Variants in CAMKK1 observed in about 807,000 individuals in gnomAD.
CAMKK1 encodes calcium/calmodulin dependent protein kinase kinase 1, also known as calcium/calmodulin-dependent protein kinase kinase 1.
Under a neutral mutation model 63.5 loss-of-function variants are expected in CAMKK1, and 20 were observed. The observed-to-expected ratio is 0.32, with a 90% CI of 0.22 to 0.46. CAMKK1 has a LOEUF of 0.46. Ranked by LOEUF, CAMKK1 falls within the 20% of genes least tolerant of loss-of-function variation. The pLI, the probability that CAMKK1 is intolerant of heterozygous loss-of-function variation, is 1.00. For synonymous variants in CAMKK1, 253 were observed against 269.0 expected (o/e 0.94, Z 0.58); for missense variants, 588 against 658.1 (o/e 0.89, Z 1.17).
rs1218394119 is a variant in CAMKK1 at position 3,879,824 on chromosome 17, A to G, written c.796+522T>C. 6.5e-6 allele frequency: 1 copy of G among 154,330 alleles called. No homozygotes were observed. Among genetic ancestry groups the G allele is most frequent in the East Asian group, 1.9e-4 (1 of 5,276 alleles). The allele number at this position is 154,330 out of a possible 1,614,324, so 9.6% of individuals were successfully genotyped here. A position where few individuals can be genotyped will look rare whatever the true frequency, so the allele number is the denominator to read the frequency against. The stretch of plus-strand genomic sequence containing the variant: ...TCCTGTCCCTCCCACTAGGCCGTGA[A>G]CTCGGGTCTGGGTCTTTCACCCCTA... On this transcript the variant is annotated intron_variant, in intron 9 of 15. Coordinates refer to ENST00000348335, the MANE Select transcript of CAMKK1 (RefSeq NM_032294.3). This position sits in a 1 kb window ranked among gnomAD's most constrained non-coding sequence, Gnocchi z 4.5.
intron 1 of CAMKK1, among the ~76,000 whole-genome samples, chr17:3,888,700 G>A (rs901658037): frequency 2.6e-5 from 4 of 152,250 alleles, no homozygotes; most frequent in Middle Eastern, 3.2e-3. Flanking sequence ...GAAGGCGGCC[G>A]CGAGGGCTGA....
Position 3,871,603 on chromosome 17 carries a change from T to G in CAMKK1, c.1124+951A>C, listed in dbSNP as rs553766820. Among the ~76,000 whole-genome samples the G allele has an allele frequency of 1.7e-3, 254 of 149,642 alleles. 3 individuals are homozygous for G. Among genetic ancestry groups the G allele is most frequent in the South Asian group, 4.6e-3 (22 of 4,738 alleles). On this transcript the variant is annotated intron_variant, in intron 12 of 15. Transcript: ENST00000348335. ...GATCTCCTGACCTCGTGATCCGCCC[T>G]CCTTGGCCTCCCAAAGTGCTGGAAT... is the stretch of plus-strand genomic sequence containing the variant.
At chr17:3,865,845 G>T in intron 15 of CAMKK1, 63 bp downstream of exon 15, 1 of 1,603,032 alleles carries the variant, frequency 6.2e-7, no homozygotes. Context: ...GGGAGGATGG[G>T]CCTCAGACCT....
rs2055511617 is a variant in CAMKK1, at chr17:3,883,604, C to T, written c.463-124G>A. On this transcript the variant is annotated intron_variant, in intron 4 of 15. Transcript: ENST00000348335. The surrounding 1 kb of genome is among the most constrained non-coding windows in gnomAD (Gnocchi z 4.7). ...TCTGCTACTGGCCCTGAGGGTGTGG[C>T]CCAGGTAAGTGTTAAGCGGGGTTGG... 1.1e-6 allele frequency: 1 copy of T among 888,352 alleles called. No homozygotes were observed. 55.0% of individuals were successfully genotyped at this position (888,352 alleles called of 1,614,324 possible). A position where few individuals can be genotyped will look rare whatever the true frequency, so the allele number is the denominator to read the frequency against.
chr17:3,870,803 G>C (rs1161311426), intron 12 of CAMKK1, among the ~76,000 whole-genome samples: 1 of 152,060 alleles, frequency 6.6e-6, no homozygotes, highest in African/African-American at 2.4e-5. Flanking sequence ...AAATTCCTGG[G>C]CTGAGGGGAA....
chr17:3,876,757 G>GTTT (rs59503016), intron 9 of CAMKK1, among the ~76,000 whole-genome samples: 16 of 101,352 alleles, frequency 1.6e-4, no homozygotes, highest in Non-Finnish European at 2.1e-4. Flanking sequence ...TTTTTTTTTG[G>GTTT]TTTTTTTTTT....
rs778586310 is a variant in CAMKK1 at position 3,880,371 on chromosome 17, C to T, written c.771G>A (p.Arg257=). 6.2e-7 allele frequency: 1 copy of T among 1,613,994 alleles called. No homozygotes were observed. The highest frequency in any genetic ancestry group is 1.1e-5 in the South Asian group (1 of 91,062). The change falls in exon 9 of 16, where the codon CGG becomes CGA. Residue 257 remains arginine, a synonymous_variant. Coordinates refer to ENST00000348335, the MANE Select transcript of CAMKK1 (RefSeq NM_032294.3). ...FSEEQARLYL[R]DVILGLEYLH... is the part of the protein sequence containing the mutation. Reference sequence around the variant, plus strand: ...AGTACTCGAGGCCCAGGATGACGTCCCGCAGGTAGAGGCGAGCTTGCTCCT... The same window carrying T: ...AGTACTCGAGGCCCAGGATGACGTCTCGCAGGTAGAGGCGAGCTTGCTCCT...
At chr17:3,865,222 G>T in intron 15 of CAMKK1, 1 of 985,954 alleles carries the variant, frequency 1.0e-6, no homozygotes, top group Non-Finnish European at 1.2e-6. Flanking sequence ...AGGCGCACAG[G>T]CTTGGGGAGC....
At position 3,885,704 on chromosome 17, in the gene CAMKK1, G is replaced by T. The variant is rs537275634; in HGVS notation, c.-17C>A. 4.3e-5 allele frequency: 69 copies of T among 1,610,358 alleles called. No individual in the cohort carries two copies. The East Asian group carries it at 1.4e-3, about 33-fold the overall frequency. On this transcript the variant is annotated 5_prime_UTR_variant, in exon 2 of 16. Transcript: ENST00000348335. ...CCCCTCCATTGCTTCAGTCAAGGGG[G>T]TTCTTCTGCGTAGCCTTGTTGGGAA... is the stretch of plus-strand genomic sequence containing the variant.
chr17:3,883,788 G>C lies in CAMKK1; in HGVS notation c.462+96C>G. The C allele has an allele frequency of 8.0e-7, 1 of 1,245,444 alleles. No individual in the cohort carries two copies. The allele number at this position is 1,245,444 out of a possible 1,614,324, so 77.1% of individuals were successfully genotyped here. On this transcript the variant is annotated intron_variant, in intron 4 of 15. Coordinates refer to ENST00000348335, the MANE Select transcript of CAMKK1 (RefSeq NM_032294.3). The surrounding 1 kb of genome is among the most constrained non-coding windows in gnomAD (Gnocchi z 4.7). Reference sequence around the variant, plus strand: ...GGGACAGGGAGCTCACTCTCAGGCAGCCCTGTCCTCTATCTCCTAAGCACA... The same window carrying C: ...GGGACAGGGAGCTCACTCTCAGGCACCCCTGTCCTCTATCTCCTAAGCACA...
chr17:3,891,626 T>C (rs1011680102), intron 1 of CAMKK1, among the ~76,000 whole-genome samples: 7 of 152,146 alleles, frequency 4.6e-5, no homozygotes, highest in Non-Finnish European at 8.8e-5. Flanking sequence ...AGGCACCTGA[T>C]AGCAAGAGGA....
chr17:3,876,017 A>T (rs1250943858), intron 10 of CAMKK1, among the ~76,000 whole-genome samples: 1 of 152,166 alleles, frequency 6.6e-6, no homozygotes, highest in Non-Finnish European at 1.5e-5. Flanking sequence ...CCAACAGTAA[A>T]TATCTGCAAG....
In CAMKK1 at chr17:3,890,136, CTG is replaced by C. The variant is rs1471468030; in HGVS notation, c.-44+2801_-44+2802del. 1.3e-5 allele frequency among the ~76,000 whole-genome samples: 2 copies of C among 152,216 alleles called. No homozygotes were observed. The highest frequency in any genetic ancestry group is 2.9e-5 in the Non-Finnish European group (2 of 68,028). The stretch of plus-strand genomic sequence containing the variant: ...CCATGCCTGGGCCGCCTCACTGGAG[CTG>C]TGTTTATGATCCTGGCGAGTATCTG... On this transcript the variant is annotated intron_variant, in intron 1 of 15. Coordinates refer to ENST00000348335, the MANE Select transcript of CAMKK1 (RefSeq NM_032294.3). The surrounding 1 kb of genome is among the most constrained non-coding windows in gnomAD (Gnocchi z 6.5).
chr17:3,873,176 A>T (rs1486632612), intron 11 of CAMKK1, among the ~76,000 whole-genome samples: 1 of 152,200 alleles, frequency 6.6e-6, no homozygotes, highest in African/African-American at 2.4e-5. Flanking sequence ...GGGCGGTGGC[A>T]ACACCATCGT....
intron 12 of CAMKK1, among the ~76,000 whole-genome samples, chr17:3,870,638 T>C (rs1159970683): frequency 6.6e-6 from 1 of 152,086 alleles, no homozygotes; most frequent in African/African-American, 2.4e-5. Context: ...GTGCTGGGAT[T>C]ACAGGCGTGA....
At chr17:3,864,119 ATT>A (rs1225262398) in intron 15 of CAMKK1, among the ~76,000 whole-genome samples, 4 of 141,306 alleles carry the variant, frequency 2.8e-5, no homozygotes. Flanking sequence ...CGCCCGGCTA[ATT>A]TTTTTTTTTT....
At chr17:3,888,571 G>A (rs1330237635) in intron 1 of CAMKK1, among the ~76,000 whole-genome samples, 1 of 152,234 alleles carries the variant, frequency 6.6e-6, no homozygotes, top group East Asian at 1.9e-4. Context: ...GGGAACGCCC[G>A]TAAGGCGCTC....
rs1398879871 is a variant in CAMKK1, at chr17:3,861,909, C to T, written c.*302G>A. 44 of 425,414 alleles carry T rather than the reference C, an allele frequency of 1.0e-4. 1 individual carries two copies. The South Asian group carries it at 1.3e-3, about 13-fold the overall frequency. The allele number at this position is 425,414 out of a possible 1,614,324, so 26.4% of individuals were successfully genotyped here. On this transcript the variant is annotated 3_prime_UTR_variant, in exon 16 of 16. Coordinates refer to ENST00000348335, the MANE Select transcript of CAMKK1 (RefSeq NM_032294.3). ...CCTGCCCCAGGCCATGCCAACCAGC[C>T]GGGTGGCATTTCTGAGGCTCCATGG...
chr17:3,870,543 T>G (rs2054798440), intron 12 of CAMKK1, among the ~76,000 whole-genome samples: 1 of 152,050 alleles, frequency 6.6e-6, no homozygotes, highest in Non-Finnish European at 1.5e-5. Flanking sequence ...TTTTTTGTAT[T>G]TTTAGTAGAG....
Sources: gnomAD v4.1 joint callset for allele counts (sites outside exome capture counted in the v4.1 genomes callset) on GRCh38, gnomAD v4.1.1 for gene constraint, Gnocchi (gnomAD v3.1) non-coding constraint, MANE v1.5 for transcripts, NCBI Gene and HGNC (gene_info 2026-07-23, HGNC 2026-07-21) for gene names.